SFI1: variants seen among roughly 807,000 people sequenced by gnomAD.
The protein encoded by SFI1 is SFI1 centrin binding protein, also known as protein SFI1 homolog.
A neutral mutation model predicts 207.5 loss-of-function variants in SFI1; 195 were observed. The observed-to-expected ratio is 0.94, with a 90% CI of 0.84 to 1.06. The LOEUF is 1.06. SFI1 is among the 50% of genes least tolerant of loss of function. SFI1 has a pLI of 0.00. For synonymous variants in SFI1, 630 were observed against 598.9 expected, an observed-to-expected ratio of 1.05 and a Z score of -0.76; for missense variants, 1,634 against 1,588.0, an observed-to-expected ratio of 1.03 and a Z score of -0.49.
chr22:31,589,528 T>C lies in SFI1; in HGVS notation c.1495T>C (p.Trp499Arg), dbSNP rs768998419. 1.8e-5 allele frequency: 29 copies of C among 1,614,092 alleles called. No homozygotes were observed. Among genetic ancestry groups the C allele is most frequent in the Non-Finnish European group, 2.3e-5 (27 of 1,180,024 alleles). The change falls in exon 15 of 33, where the codon TGG (tryptophan) becomes CGG (arginine). Residue 499 changes from tryptophan (W) to arginine (R), a missense_variant. Physicochemically the swap from Trp to Arg is moderately radical, Grantham distance 101. Transcript: ENST00000400288. ...AFHTWNRLWR[W>R]RHQENVLSAR... Reference sequence around the variant, plus strand: ...CCACACATGGAACAGACTCTGGCGATGGCGCCACCAGGAAAATGTCCTCAG... The same window carrying C: ...CCACACATGGAACAGACTCTGGCGACGGCGCCACCAGGAAAATGTCCTCAG...
chr22:31,527,491 T>A (rs1026870707), intron 2 of SFI1, among the ~76,000 whole-genome samples: 4 of 152,186 alleles, frequency 2.6e-5, no homozygotes, highest in Admixed American at 1.3e-4. Context: ...TGCCAGCATT[T>A]TGGAAGGCTT....
chr22:31,505,246 C>G lies in SFI1; in HGVS notation c.-30-3009C>G, dbSNP rs557732585. ...TTAAGGTCAGGAGTTTAAGACCAGC[C>G]TGGCCAACATGGGGAAACCCCATCT... On this transcript the variant is annotated intron_variant, in intron 1 of 32. Coordinates refer to ENST00000400288, the MANE Select transcript of SFI1 (RefSeq NM_001007467.3). Among the ~76,000 whole-genome samples, 542 of 152,040 alleles carry G rather than the reference C, an allele frequency of 3.6e-3. 6 individuals are homozygous for G. Among genetic ancestry groups the G allele is most frequent in the Non-Finnish European group, 6.0e-3 (409 of 67,976 alleles).
At position 31,508,294 on chromosome 22, in the gene SFI1, C is replaced by CT. The variant is rs775705494; in HGVS notation, c.11dup (p.Leu5AlafsTer3). On this transcript the variant is annotated frameshift_variant, in exon 2 of 33. Transcript: ENST00000400288. LOFTEE classifies it high-confidence loss of function. ...TAAAAGACTTTGATTCATGAAGAATCTGCTCACTGAGAAGTGTATATCAAG... is the reference window on the plus strand; with the variant it reads ...TAAAAGACTTTGATTCATGAAGAATCTTGCTCACTGAGAAGTGTATATCAAG... 1 of 1,609,800 alleles carries CT rather than the reference C, an allele frequency of 6.2e-7. No individual in the cohort carries two copies. The highest frequency in any genetic ancestry group is 8.5e-7 in the Non-Finnish European group (1 of 1,176,524).
Position 31,583,986 on chromosome 22 carries a change from T to C in SFI1, c.1346+14T>C. ...GGACCACTACAGGTAGGGACTCTGG[T>C]TTCATCCCTGGCTCTCAGGGACTTT... On this transcript the variant is annotated intron_variant, in intron 13 of 32. Coordinates refer to ENST00000400288, the MANE Select transcript of SFI1 (RefSeq NM_001007467.3). 3.1e-6 allele frequency: 5 copies of C among 1,605,820 alleles called. No homozygotes were observed. Among genetic ancestry groups the C allele is most frequent in the Non-Finnish European group, 4.3e-6 (5 of 1,172,796 alleles).
intron 2 of SFI1, among the ~76,000 whole-genome samples, chr22:31,524,453 C>T (rs1328794624): frequency 1.3e-5 from 2 of 151,390 alleles, no homozygotes; most frequent in African/African-American, 4.9e-5. Flanking sequence ...GACAGGGTCT[C>T]ACTCTGTCAC....
intron 12 of SFI1, among the ~76,000 whole-genome samples, chr22:31,582,329 GCAACC>G (rs2064437085): frequency 7.5e-6 from 1 of 133,216 alleles, no homozygotes; most frequent in Non-Finnish European, 1.5e-5. Flanking sequence ...TCGGCTCACT[GCAACC>G]TCCACCTTCC....
intron 3 of SFI1, 43 bp downstream of exon 3, chr22:31,528,906 T>C: frequency 1.9e-6 from 3 of 1,557,294 alleles, no homozygotes; most frequent in Non-Finnish European, 2.6e-6. Flanking sequence ...ACTTTGCTTT[T>C]GTTCTCCTTT....
chr22:31,545,581 TTTA>T lies in SFI1; in HGVS notation c.339-1279_339-1277del, dbSNP rs1250536803. On this transcript the variant is annotated intron_variant, in intron 4 of 32. Transcript: ENST00000400288. ...TTTAATTTAATTTAATTTAATTTAA[TTTA>T]ATTTTATTTTATTTTGAGACGAAGT... 2.1e-3 allele frequency among the ~76,000 whole-genome samples: 323 copies of T among 151,120 alleles called. 5 individuals carry two copies. The highest frequency in any genetic ancestry group is 0.01 in the East Asian group (52 of 5,150).
intron 11 of SFI1, among the ~76,000 whole-genome samples, chr22:31,579,260 C>G (rs1272421946): frequency 1.3e-5 from 2 of 152,154 alleles, no homozygotes; most frequent in Non-Finnish European, 2.9e-5. Flanking sequence ...CCTTCCACTT[C>G]AGCCTCCCAA....
At chr22:31,541,199 G>A (rs1029021709) in intron 4 of SFI1, among the ~76,000 whole-genome samples, 1 of 152,060 alleles carries the variant, frequency 6.6e-6, no homozygotes, top group African/African-American at 2.4e-5. Context: ...CCAGCTGGGT[G>A]CTTCTTGTCT....
intron 5 of SFI1, among the ~76,000 whole-genome samples, chr22:31,547,257 T>C (rs1362958482): frequency 1.3e-5 from 2 of 152,162 alleles, no homozygotes; most frequent in Admixed American, 1.3e-4. Context: ...CCACCGATTT[T>C]CATTTCTATA....
intron 1 of SFI1, among the ~76,000 whole-genome samples, chr22:31,507,131 CAG>C (rs1008871687): frequency 6.6e-6 from 1 of 152,148 alleles, no homozygotes; most frequent in Non-Finnish European, 1.5e-5. Context: ...GTAACAAAAA[CAG>C]AATGGTACTG....
chr22:31,611,665 G>A lies in SFI1; in HGVS notation c.2416-101G>A, dbSNP rs1400924736. ...CACCATCCAGGACTCCTAGCAATGG[G>A]AGGACATTCAGCTGGGCAGAGGCTG... On this transcript the variant is annotated intron_variant, in intron 23 of 32. Transcript: ENST00000400288. 6 of 1,198,844 alleles carry A rather than the reference G, an allele frequency of 5.0e-6. No homozygotes were observed. The East Asian group carries it at 1.3e-4, about 25-fold the overall frequency. 74.3% of individuals were successfully genotyped at this position (1,198,844 alleles called of 1,614,324 possible). A position where few individuals can be genotyped will look rare whatever the true frequency, so the allele number is the denominator to read the frequency against.
At chr22:31,585,216 C>G in intron 14 of SFI1, 82 bp downstream of exon 14, 2 of 1,231,070 alleles carry the variant, frequency 1.6e-6, no homozygotes, top group Admixed American at 3.8e-5. Flanking sequence ...TGGAAAAGAC[C>G]TATGCCAAGA....
Position 31,531,110 on chromosome 22 carries a change from G to A in SFI1, c.319G>A (p.Val107Ile), listed in dbSNP as rs769907204. The A allele has an allele frequency of 7.4e-6, 12 of 1,613,262 alleles. No individual in the cohort carries two copies. Among genetic ancestry groups the A allele is most frequent in the Non-Finnish European group, 8.5e-6 (10 of 1,179,668 alleles). ...ATGGATTCGAATGACTTTTGGAAGA[G>A]TATTTCCCTCTAAAGCCAGGTAGTA... is the stretch of plus-strand genomic sequence containing the variant. Reference protein sequence around the residue: ...YLWIRMTFGRVFPSKARFYYE... With the variant: ...YLWIRMTFGRIFPSKARFYYE... The change falls in exon 4 of 33, where the codon GTA (valine) becomes ATA (isoleucine). Residue 107 changes from valine to isoleucine, a missense_variant. Physicochemically the swap from Val to Ile is conservative, Grantham distance 29. Coordinates refer to ENST00000400288, the MANE Select transcript of SFI1 (RefSeq NM_001007467.3).
intron 30 of SFI1, 40 bp downstream of exon 30, chr22:31,616,917 C>T (rs1296840972): frequency 2.2e-5 from 35 of 1,610,696 alleles, no homozygotes; most frequent in Non-Finnish European, 2.9e-5. Context: ...AGCACTCAGG[C>T]CACTCCCGGA....
chr22:31,564,907 G>A lies in SFI1; in HGVS notation c.765+3515G>A, dbSNP rs564592661. 1.4e-5 allele frequency among the ~76,000 whole-genome samples: 2 copies of A among 144,830 alleles called. 1 individual carries two copies. Among genetic ancestry groups the A allele is most frequent in the East Asian group, 4.2e-4 (2 of 4,724 alleles). The stretch of plus-strand genomic sequence containing the variant: ...TGGCTCACTGCAAGCTCCGCCTCCC[G>A]GGTTCACGTCATTCTCCTGCCTCAG... On this transcript the variant is annotated intron_variant, in intron 8 of 32. Transcript: ENST00000400288.
intron 10 of SFI1, among the ~76,000 whole-genome samples, chr22:31,577,318 A>G (rs1196880042): frequency 6.6e-6 from 1 of 152,210 alleles, no homozygotes; most frequent in Non-Finnish European, 1.5e-5. Context: ...AAGGCATTTC[A>G]GTGAGGAAAA....
chr22:31,557,355 T>G (rs2061269224), intron 7 of SFI1, among the ~76,000 whole-genome samples: 1 of 151,872 alleles, frequency 6.6e-6, no homozygotes, highest in Non-Finnish European at 1.5e-5. Context: ...ATGTTTTTTT[T>G]TTTTTCATTT....
Sources: allele counts gnomAD v4.1 joint callset (sites outside exome capture counted in the v4.1 genomes callset), GRCh38; gene constraint gnomAD v4.1.1; transcripts MANE v1.5; gene names NCBI Gene and HGNC (gene_info 2026-07-23, HGNC 2026-07-21).